The following PI4K2A variants were observed in gnomAD, a reference collection of about 807,000 sequenced individuals.
PI4K2A encodes the protein phosphatidylinositol 4-kinase type 2-alpha.
In PI4K2A, 20 loss-of-function variants were observed where a neutral mutation model predicts 55.0. The observed-to-expected ratio is 0.36, with a 90% confidence interval of 0.26 to 0.53. The LOEUF is 0.53. Among genes scored for constraint, PI4K2A ranks in the 20% least tolerant of loss-of-function variants. PI4K2A has a pLI of 0.91. For synonymous variants in PI4K2A, 235 were observed against 258.5 expected (o/e 0.91, Z 0.87); for missense variants, 463 against 637.1 (o/e 0.73, Z 2.94).
intron 4 of PI4K2A, among the ~76,000 whole-genome samples, chr10:97,660,118 C>T (rs2041573908): frequency 6.6e-6 from 1 of 150,854 alleles, no homozygotes; most frequent in African/African-American, 2.4e-5. Flanking sequence ...TCTCCTGCCT[C>T]AGCCTCCCGA....
At chr10:97,647,999 C>T (rs954335587) in intron 1 of PI4K2A, among the ~76,000 whole-genome samples, 1 of 151,470 alleles carries the variant, frequency 6.6e-6, no homozygotes, top group African/African-American at 2.4e-5. Flanking sequence ...CAGTGGCATG[C>T]TTCTAGCTCA....
chr10:97,643,199 T>C (rs1178206338), intron 1 of PI4K2A, among the ~76,000 whole-genome samples: 2 of 151,882 alleles, frequency 1.3e-5, no homozygotes. Context: ...TTGCCCTGGT[T>C]GGTCTCAGAC....
intron 1 of PI4K2A, among the ~76,000 whole-genome samples, chr10:97,649,684 C>T (rs926067888): frequency 2.5e-5 from 3 of 121,610 alleles, no homozygotes; most frequent in East Asian, 2.8e-4. Context: ...AGTGCAGTGG[C>T]GTGATCTCAG....
At chr10:97,640,822 A>C (rs2041463197) in exon 1 of PI4K2A, 2 of 1,451,348 alleles carry the variant, frequency 1.4e-6, no homozygotes, top group Non-Finnish European at 1.8e-6. Context: ...TCGGGCGCTC[A>C]CTTTCCGCAG....
chr10:97,669,634 C>T (rs2041626174), intron 8 of PI4K2A, among the ~76,000 whole-genome samples: 1 of 152,192 alleles, frequency 6.6e-6, no homozygotes, highest in African/African-American at 2.4e-5. Flanking sequence ...ACTTGTCTAC[C>T]ATTCACACAT....
intron 1 of PI4K2A, among the ~76,000 whole-genome samples, chr10:97,644,332 C>G (rs1037361236): frequency 6.6e-6 from 1 of 151,912 alleles, no homozygotes; most frequent in African/African-American, 2.4e-5. Flanking sequence ...GCCTGGGCGA[C>G]AGAGTGAGAC....
chr10:97,655,922 C>T (rs2041552236), intron 2 of PI4K2A, among the ~76,000 whole-genome samples: 2 of 152,108 alleles, frequency 1.3e-5, no homozygotes, highest in Non-Finnish European at 2.9e-5. Context: ...AGATAGGCAG[C>T]TCTCCTAGAT....
intron 6 of PI4K2A, 63 bp downstream of exon 6, chr10:97,665,047 G>A: frequency 1.0e-6 from 1 of 980,152 alleles, no homozygotes; most frequent in East Asian, 2.4e-5. Flanking sequence ...TCACTGTGCA[G>A]TGGAGATGAT....
At chr10:97,641,035 A>T in exon 1 of PI4K2A, 5 of 1,593,058 alleles carry the variant, frequency 3.1e-6, no homozygotes, top group South Asian at 1.1e-5. Context: ...GCTCAGGCCC[A>T]CCGCGAGCGG....
At chr10:97,668,536 C>G (rs905129643) in intron 8 of PI4K2A, among the ~76,000 whole-genome samples, 3 of 152,094 alleles carry the variant, frequency 2.0e-5, no homozygotes, top group Non-Finnish European at 2.9e-5. Context: ...TGAGATGGCA[C>G]CACTGCACTC....
intron 4 of PI4K2A, 40 bp from the exon 5 acceptor site, chr10:97,662,867 A>T: frequency 7.2e-7 from 1 of 1,383,672 alleles, no homozygotes; most frequent in Non-Finnish European, 1.0e-6. Context: ...ATGGAAAATC[A>T]TCCCCCCTTT....
chr10:97,651,021 G>A (rs769484332), exon 2 of PI4K2A: 16 of 1,613,948 alleles, frequency 9.9e-6, no homozygotes, highest in Non-Finnish European at 1.4e-5. Context: ...GGCTGCAGAA[G>A]CTGTGCTGTC....
At chr10:97,650,317 C>T (rs1007327499) in intron 1 of PI4K2A, among the ~76,000 whole-genome samples, 146 of 132,522 alleles carry the variant, frequency 1.1e-3, no homozygotes, top group African/African-American at 4.0e-3. Context: ...CTCGTTTGGT[C>T]GCCCAGGGTG....
intron 2 of PI4K2A, among the ~76,000 whole-genome samples, chr10:97,651,638 T>C (rs936493673): frequency 2.6e-5 from 4 of 152,208 alleles, no homozygotes; most frequent in Admixed American, 2.6e-4. Context: ...AACTTATCTT[T>C]ATGCTGTCGA....
At chr10:97,668,047 A>G (rs2041618075) in intron 8 of PI4K2A, among the ~76,000 whole-genome samples, 2 of 152,234 alleles carry the variant, frequency 1.3e-5, no homozygotes, top group African/African-American at 4.8e-5. Flanking sequence ...CTTCCAAAGC[A>G]TAGTAAAGAA....
chr10:97,672,725 CTTTTTTTTTTTTTT>C, intron 8 of PI4K2A, among the ~76,000 whole-genome samples: 1 of 83,978 alleles, frequency 1.2e-5, no homozygotes, highest in Non-Finnish European at 2.2e-5. Context: ...AGGGTCTGTT[CTTTTTTTTTTTTTT>C]TTTTTTTTTT....
chr10:97,673,483 AAAT>A, intron 8 of PI4K2A, 95 bp from the exon 9 acceptor site: 1 of 940,844 alleles, frequency 1.1e-6, no homozygotes, highest in Non-Finnish European at 1.6e-6. Flanking sequence ...GTATTTTAAA[AAAT>A]TGATTTGTAG....
intron 1 of PI4K2A, among the ~76,000 whole-genome samples, chr10:97,641,395 G>A (rs895560244): frequency 1.5e-4 from 23 of 152,276 alleles, no homozygotes; most frequent in African/African-American, 5.5e-4. Context: ...AGCGGAAAAT[G>A]AAAAGAGGAA....
At chr10:97,649,524 G>T (rs1427322982) in intron 1 of PI4K2A, among the ~76,000 whole-genome samples, 1 of 146,732 alleles carries the variant, frequency 6.8e-6, no homozygotes, top group Admixed American at 6.9e-5. Flanking sequence ...TTCCTGCTGT[G>T]ATTTTTCTCT....
Sources: gnomAD v4.1 joint callset for allele counts (sites outside exome capture counted in the v4.1 genomes callset) on GRCh38, gnomAD v4.1.1 for gene constraint, MANE v1.5 for transcripts, NCBI Gene and HGNC (gene_info 2026-07-23, HGNC 2026-07-21) for gene names.